CSMD3: variants seen among roughly 807,000 people sequenced by gnomAD.
CSMD3 encodes CUB and sushi domain-containing protein 3.
CSMD3 carries 177 observed loss-of-function variants against 435.2 expected under a neutral mutation model. That is an observed-to-expected ratio of 0.41 (90% confidence interval 0.36 to 0.46). The LOEUF (loss-of-function observed/expected upper bound fraction) is 0.46. Among genes scored for constraint, CSMD3 ranks in the 20% least tolerant of loss-of-function variants. The pLI, the probability that CSMD3 is intolerant of heterozygous loss-of-function variation, is 0.34. For synonymous variants in CSMD3, 1,656 were observed against 1,520.5 expected, an observed-to-expected ratio of 1.09 and a Z score of -2.07; for missense variants, 4,265 against 4,504.6, an observed-to-expected ratio of 0.95 and a Z score of 1.52.
intron 8 of CSMD3, among the ~76,000 whole-genome samples, chr8:112,950,357 GAA>G (rs2083764554): frequency 6.6e-6 from 1 of 151,756 alleles, no homozygotes; most frequent in Non-Finnish European, 1.5e-5. Flanking sequence ...TGAAAATGAG[GAA>G]AAGAGGTGGC....
intron 3 of CSMD3, among the ~76,000 whole-genome samples, chr8:113,263,567 T>G (rs961174757): frequency 6.6e-6 from 1 of 151,870 alleles, no homozygotes; most frequent in Non-Finnish European, 1.5e-5. Context: ...AGAACTAAAA[T>G]TATACTCCCC....
chr8:112,472,951 G>T (rs1306770909), intron 31 of CSMD3, among the ~76,000 whole-genome samples: 2 of 152,022 alleles, frequency 1.3e-5, no homozygotes, highest in Non-Finnish European at 2.9e-5. Context: ...TGTTATAATG[G>T]TGTTACCTAG....
At chr8:112,812,033 T>C (rs1359169079) in intron 12 of CSMD3, among the ~76,000 whole-genome samples, 1 of 152,120 alleles carries the variant, frequency 6.6e-6, no homozygotes, top group African/African-American at 2.4e-5. Flanking sequence ...TAGTCAGACA[T>C]GAGCAGGGCA....
At chr8:112,552,484 C>A in intron 26 of CSMD3, 110 bp downstream of exon 26, 1 of 1,154,900 alleles carries the variant, frequency 8.7e-7, no homozygotes, top group Non-Finnish European at 1.2e-6. Context: ...GACTCTGCCT[C>A]AAGAAAAACA....
chr8:112,524,855 G>A (rs1028746774), intron 27 of CSMD3, among the ~76,000 whole-genome samples: 4 of 151,692 alleles, frequency 2.6e-5, no homozygotes, highest in Non-Finnish European at 5.9e-5. Flanking sequence ...TTAAAATAAC[G>A]TGCAAAATAA....
At chr8:113,199,850 AG>A (rs570365999) in intron 3 of CSMD3, among the ~76,000 whole-genome samples, 90 of 151,998 alleles carry the variant, frequency 5.9e-4, no homozygotes, top group East Asian at 3.9e-4. Context: ...GTTAGGAAAA[AG>A]GACAGAAGTA....
intron 13 of CSMD3, among the ~76,000 whole-genome samples, chr8:112,736,638 C>G (rs192706995): frequency 6.6e-6 from 1 of 152,102 alleles, no homozygotes; most frequent in Non-Finnish European, 1.5e-5. Context: ...CTTTGCTGTT[C>G]TATAGAGTTT....
intron 22 of CSMD3, among the ~76,000 whole-genome samples, chr8:112,635,158 C>T (rs2074622122): frequency 6.6e-6 from 1 of 152,016 alleles, no homozygotes; most frequent in Non-Finnish European, 1.5e-5. Context: ...AGATTATACT[C>T]AAAACAATTA....
At position 112,292,546 on chromosome 8, in the gene CSMD3, T is replaced by C. The variant is rs1303956882; in HGVS notation, c.8779A>G (p.Met2927Val). 4 of 1,613,810 alleles carry C rather than the reference T, an allele frequency of 2.5e-6. No individual in the cohort carries two copies. Among genetic ancestry groups the C allele is most frequent in the Admixed American group, 3.3e-5 (2 of 60,000 alleles). ...ANRQWSHPPP[M>V]CKVVNCSDPG... ...ATACTTAGACATTTACCTTTGCACATAGGTGGAGGATGGCTCCACTGTCTG... is the reference window on the plus strand; with the variant it reads ...ATACTTAGACATTTACCTTTGCACACAGGTGGAGGATGGCTCCACTGTCTG... The change falls in exon 55 of 71, where the codon ATG (methionine) becomes GTG (valine). Residue 2927 changes from methionine (M) to valine (V), a missense_variant. This residue lies in a region of CSMD3 where 3,255 missense variants were observed against 3,380.2 expected (regional missense o/e 0.96). Transcript: ENST00000297405.
chr8:112,713,600 G>T (rs2076657991), intron 13 of CSMD3, among the ~76,000 whole-genome samples: 1 of 151,854 alleles, frequency 6.6e-6, no homozygotes. Context: ...TACATGAGAA[G>T]ATCAACCCCA....
intron 22 of CSMD3, among the ~76,000 whole-genome samples, chr8:112,589,960 T>C (rs767849542): frequency 3.3e-5 from 5 of 152,092 alleles, no homozygotes; most frequent in Non-Finnish European, 5.9e-5. Flanking sequence ...TCAGGTGCTA[T>C]AAGGAATAGC....
At chr8:113,425,397 G>A (rs2094630455) in intron 1 of CSMD3, among the ~76,000 whole-genome samples, 1 of 151,182 alleles carries the variant, frequency 6.6e-6, no homozygotes, top group African/African-American at 2.4e-5. Flanking sequence ...GCTTTTGAAA[G>A]CATTACATAA....
At chr8:112,747,977 A>C (rs996717876) in intron 13 of CSMD3, among the ~76,000 whole-genome samples, 1 of 151,724 alleles carries the variant, frequency 6.6e-6, no homozygotes, top group Non-Finnish European at 1.5e-5. Flanking sequence ...AAAAAAAAAA[A>C]AAAAAAAAAC....
At chr8:113,196,962 C>T (rs1053577905) in intron 3 of CSMD3, among the ~76,000 whole-genome samples, 1 of 150,264 alleles carries the variant, frequency 6.7e-6, no homozygotes, top group African/African-American at 2.4e-5. Context: ...CTTAACCCCT[C>T]TGTGGAACAA....
chr8:112,815,769 A>G (rs767015157), intron 12 of CSMD3, among the ~76,000 whole-genome samples: 5 of 152,204 alleles, frequency 3.3e-5, no homozygotes, highest in African/African-American at 4.8e-5. Context: ...CAGTTTTTTA[A>G]CATTAGACAT....
At chr8:113,415,443 T>A (rs748177486) in intron 1 of CSMD3, among the ~76,000 whole-genome samples, 1 of 152,120 alleles carries the variant, frequency 6.6e-6, no homozygotes, top group Non-Finnish European at 1.5e-5. Flanking sequence ...AGCATCAACG[T>A]AGAAAAAAAC....
At chr8:112,743,216 A>C (rs10111722) in intron 13 of CSMD3, among the ~76,000 whole-genome samples, 67,840 of 151,622 alleles carry the variant, frequency 0.45, 16,273 homozygotes, top group Non-Finnish European at 0.52. Flanking sequence ...AAAAGCAATT[A>C]AGCTTGCAGT....
intron 22 of CSMD3, among the ~76,000 whole-genome samples, chr8:112,617,618 A>C (rs146627974): frequency 1.3e-5 from 2 of 152,288 alleles, no homozygotes; most frequent in African/African-American, 4.8e-5. Context: ...AGATTATTTT[A>C]AGAAAGAAAT....
intron 28 of CSMD3, among the ~76,000 whole-genome samples, chr8:112,508,032 C>T (rs1822715253): frequency 1.3e-5 from 2 of 152,080 alleles, no homozygotes; most frequent in Admixed American, 1.3e-4. Flanking sequence ...AGCTTAAATG[C>T]CTCCTGAATA....
Sources: gnomAD v4.1 joint callset for allele counts (sites outside exome capture counted in the v4.1 genomes callset) on GRCh38, gnomAD v4.1.1 for gene constraint, gnomAD v4.1.1 regional missense constraint, MANE v1.5 for transcripts, NCBI Gene and HGNC (gene_info 2026-07-23, HGNC 2026-07-21) for gene names.